Variants in ERBB4 observed in about 807,000 individuals in gnomAD.
The protein encoded by ERBB4 is receptor tyrosine-protein kinase erbB-4.
ERBB4 carries 42 observed loss-of-function variants against 158.0 expected under a neutral mutation model. The ratio of observed to expected loss-of-function variants is 0.27; its 90% CI spans 0.21 to 0.34. The LOEUF is 0.34. ERBB4 is among the 10% of genes least tolerant of loss of function. The probability of loss-of-function intolerance (pLI) is 1.00; values close to 1 mark genes in which losing one functional copy is unlikely to be tolerated. For synonymous variants in ERBB4, 583 were observed against 558.7 expected (o/e 1.04, Z -0.61); for missense variants, 1,333 against 1,624.1 (o/e 0.82, Z 3.08).
intron 1 of ERBB4, among the ~76,000 whole-genome samples, chr2:212,254,845 T>C (rs147780087): frequency 4.6e-5 from 7 of 152,288 alleles, no homozygotes; most frequent in African/African-American, 1.7e-4. Context: ...CAAACCACTC[T>C]TACAGTTTAA....
chr2:211,800,447 G>C (rs1056996169), intron 3 of ERBB4, among the ~76,000 whole-genome samples: 1 of 152,058 alleles, frequency 6.6e-6, no homozygotes, highest in African/African-American at 2.4e-5. Flanking sequence ...CCCCATTGTA[G>C]AAAGGAAAGC....
intron 3 of ERBB4, among the ~76,000 whole-genome samples, chr2:211,832,609 T>TATA (rs1491165216): frequency 1.3e-5 from 2 of 150,054 alleles, no homozygotes; most frequent in Non-Finnish European, 3.0e-5. Flanking sequence ...CGTGTGTGTG[T>TATA]ATATATATAT....
At chr2:212,419,311 T>C (rs1044683744) in intron 1 of ERBB4, among the ~76,000 whole-genome samples, 21 of 151,902 alleles carry the variant, frequency 1.4e-4, no homozygotes, top group African/African-American at 4.1e-4. Flanking sequence ...AGGCAAAGAG[T>C]TGCCTGCATT....
intron 1 of ERBB4, among the ~76,000 whole-genome samples, chr2:212,244,753 A>G (rs566765169): frequency 1.1e-4 from 16 of 152,210 alleles, no homozygotes; most frequent in African/African-American, 3.6e-4. Flanking sequence ...TTAACTTTCA[A>G]TTCTTCCAAA....
chr2:212,386,103 T>C (rs1198779831), intron 1 of ERBB4, among the ~76,000 whole-genome samples: 1 of 151,760 alleles, frequency 6.6e-6, no homozygotes, highest in African/African-American at 2.4e-5. Context: ...TATGTGTCTG[T>C]CATCCTTTAC....
At chr2:211,621,579 C>T (rs1267326609) in intron 18 of ERBB4, among the ~76,000 whole-genome samples, 3 of 152,112 alleles carry the variant, frequency 2.0e-5, no homozygotes, top group Non-Finnish European at 2.9e-5. Flanking sequence ...AAATGGGTAA[C>T]ATTTTTCTCT....
At chr2:212,396,933 A>G (rs144602312) in intron 1 of ERBB4, among the ~76,000 whole-genome samples, 27 of 152,300 alleles carry the variant, frequency 1.8e-4, no homozygotes, top group Non-Finnish European at 3.4e-4. Flanking sequence ...AAAAAATAAA[A>G]TCATTCTGAT....
At chr2:212,459,175 A>G (rs529494088) in intron 1 of ERBB4, among the ~76,000 whole-genome samples, 52 of 152,266 alleles carry the variant, frequency 3.4e-4, no homozygotes, top group Non-Finnish European at 5.7e-4. Flanking sequence ...ATGAGGACAT[A>G]ATTAGTTTGT....
chr2:211,445,301 G>GTGTT (rs1440299662), intron 20 of ERBB4, among the ~76,000 whole-genome samples: 1 of 152,112 alleles, frequency 6.6e-6, no homozygotes, highest in East Asian at 1.9e-4. Context: ...CAATGGTTTA[G>GTGTT]TGTTTGACTA....
At chr2:211,665,221 G>A (rs1238819357) in intron 15 of ERBB4, 102 bp downstream of exon 15, 12 of 1,148,082 alleles carry the variant, frequency 1.0e-5, no homozygotes, top group Middle Eastern at 2.0e-4. Context: ...AGGATTAGTA[G>A]AGTTCTATGA....
intron 1 of ERBB4, among the ~76,000 whole-genome samples, chr2:212,330,799 G>T (rs904976359): frequency 2.6e-5 from 4 of 151,370 alleles, no homozygotes; most frequent in African/African-American, 9.7e-5. Flanking sequence ...TTTTAGACAT[G>T]GTTCCTAATG....
intron 16 of ERBB4, among the ~76,000 whole-genome samples, chr2:211,638,738 TAG>T (rs1559371708): frequency 6.6e-6 from 1 of 152,172 alleles, no homozygotes; most frequent in Non-Finnish European, 1.5e-5. Context: ...AGTACTTCAG[TAG>T]AGATATTGCC....
At chr2:212,273,623 A>C (rs2085420035) in intron 1 of ERBB4, among the ~76,000 whole-genome samples, 1 of 151,840 alleles carries the variant, frequency 6.6e-6, no homozygotes, top group Non-Finnish European at 1.5e-5. Context: ...ATTCATCCCC[A>C]CACAAAAAAG....
At chr2:212,077,826 T>G (rs2078317798) in intron 2 of ERBB4, among the ~76,000 whole-genome samples, 1 of 152,138 alleles carries the variant, frequency 6.6e-6, no homozygotes, top group African/African-American at 2.4e-5. Context: ...GCCTTCTCCA[T>G]GAAAATTCTC....
chr2:212,390,936 T>G (rs1341471704), intron 1 of ERBB4, among the ~76,000 whole-genome samples: 2 of 151,848 alleles, frequency 1.3e-5, no homozygotes, highest in African/African-American at 4.8e-5. Context: ...TTCATGGTTT[T>G]AAAACAAATC....
intron 5 of ERBB4, among the ~76,000 whole-genome samples, chr2:211,735,521 A>T (rs2074572972): frequency 6.6e-6 from 1 of 152,210 alleles, no homozygotes; most frequent in African/African-American, 2.4e-5. Flanking sequence ...AGCTAAAGTG[A>T]TCAAACACGT....
At chr2:211,535,143 CT>C (rs1193728138) in intron 20 of ERBB4, among the ~76,000 whole-genome samples, 2 of 151,888 alleles carry the variant, frequency 1.3e-5, no homozygotes, top group African/African-American at 2.4e-5. Flanking sequence ...TTAAGAGCTT[CT>C]TTTGTAAAAT....
intron 20 of ERBB4, among the ~76,000 whole-genome samples, chr2:211,513,357 C>CAAAAAAAAA (rs61042785): frequency 1.3e-4 from 5 of 39,170 alleles, no homozygotes; most frequent in African/African-American, 3.3e-4. Context: ...GACTCCGTCT[C>CAAAAAAAAA]AAAAAAAAAA....
At chr2:212,131,726 T>G (rs1399371064) in intron 1 of ERBB4, among the ~76,000 whole-genome samples, 1 of 152,180 alleles carries the variant, frequency 6.6e-6, no homozygotes. Flanking sequence ...GGGCGTCTCT[T>G]AGTATTACCA....
Sources: gnomAD v4.1 joint callset for allele counts (sites outside exome capture counted in the v4.1 genomes callset) on GRCh38, gnomAD v4.1.1 for gene constraint, MANE v1.5 for transcripts, NCBI Gene and HGNC (gene_info 2026-07-23, HGNC 2026-07-21) for gene names.